ZNF726: variants seen among roughly 807,000 people sequenced by gnomAD.
ZNF726 encodes the protein zinc finger protein 92 pseudogene 3.
ZNF726 carries 15 observed loss-of-function variants against 11.6 expected under a neutral mutation model. The ratio of observed to expected loss-of-function variants is 1.29; its 90% CI spans 0.86 to 1.99. ZNF726 has a LOEUF of 1.99. ZNF726 is among the 30% of genes most tolerant of loss of function. The pLI is 0.00. For missense variants in ZNF726, 890 were observed against 725.6 expected, an observed-to-expected ratio of 1.23 and a Z score of -2.60; for synonymous variants, 295 against 243.6, an observed-to-expected ratio of 1.21 and a Z score of -1.96.
At chr19:23,935,442 C>T (rs760811226), downstream of ZNF726, 2 of 516,578 alleles carry the variant, frequency 3.9e-6, no homozygotes, top group South Asian at 2.8e-5. Context: ...TAAGATAACT[C>T]ATATTGGAGA....
chr19:23,915,944 C>T (rs1289488299), intron 1 of ZNF726, among the ~76,000 whole-genome samples: 1 of 152,156 alleles, frequency 6.6e-6, no homozygotes, highest in Non-Finnish European at 1.5e-5. Flanking sequence ...GCTTAATTGG[C>T]AGTTTATAGT....
At position 23,933,270 on chromosome 19, in the gene ZNF726, C is replaced by A. The variant is rs750172145; in HGVS notation, c.1154C>A (p.Thr385Asn). The A allele has an allele frequency of 5.6e-6, 9 of 1,613,038 alleles. No homozygotes were observed. Among genetic ancestry groups the A allele is most frequent in the Non-Finnish European group, 6.8e-6 (8 of 1,179,964 alleles). Reference sequence around the variant, plus strand: ...GCATTTATATGGCCCTCAACCCTAACTAAACATAAGAGGATTCACACTGGA... The same window carrying A: ...GCATTTATATGGCCCTCAACCCTAAATAAACATAAGAGGATTCACACTGGA... ...GKAFIWPSTL[T>N]KHKRIHTGEK... The change falls in exon 4 of 4, where the codon ACT (threonine) becomes AAT (asparagine). Residue 385 changes from threonine to asparagine, a missense_variant. Coordinates refer to ENST00000594466, the MANE Select transcript of ZNF726 (RefSeq NM_001244038.2).
At chr19:23,925,718 T>C (rs371932109) in intron 3 of ZNF726, among the ~76,000 whole-genome samples, 3,600 of 148,254 alleles carry the variant, frequency 0.024, 55 homozygotes, top group Non-Finnish European at 0.033. Flanking sequence ...CTTTTCTTTT[T>C]TTTTTTTTTT....
chr19:23,940,470 C>T (rs1280851580), intron 3 of ZNF726, among the ~76,000 whole-genome samples: 1 of 151,938 alleles, frequency 6.6e-6, no homozygotes. Flanking sequence ...CTTAGTCTTG[C>T]TTTGGCTATG....
In ZNF726 at chr19:23,932,850, C is replaced by T. The variant is rs776758393; in HGVS notation, c.734C>T (p.Thr245Ile). The change falls in exon 4 of 4, where the codon ACT becomes ATT. Residue 245 changes from threonine to isoleucine, a missense_variant. Coordinates refer to ENST00000594466, the MANE Select transcript of ZNF726 (RefSeq NM_001244038.2). ...GKAFNQSSNY[T>I]THKVTHTGEK... ...GCTTTTAATCAATCCTCAAATTATACTACACATAAGGTAACTCATACTGGA... is the reference window on the plus strand; with the variant it reads ...GCTTTTAATCAATCCTCAAATTATATTACACATAAGGTAACTCATACTGGA... The T allele has an allele frequency of 6.2e-7, 1 of 1,606,816 alleles. No individual in the cohort carries two copies. Among genetic ancestry groups the T allele is most frequent in the Non-Finnish European group, 8.5e-7 (1 of 1,176,822 alleles).
At position 23,933,629 on chromosome 19, in the gene ZNF726, G is replaced by T; in HGVS notation, c.1513G>T (p.Gly505Ter). 1.9e-6 allele frequency: 3 copies of T among 1,611,408 alleles called. No homozygotes were observed. The highest frequency in any genetic ancestry group is 2.5e-6 in the Non-Finnish European group (3 of 1,179,680). ...TLTAHKIIHT[G>*]EKPYKCEECG... ...TACTGCACATAAGATAATTCATACTGGAGAGAAACCCTACAAATGTGAAGA... is the reference window on the plus strand; with the variant it reads ...TACTGCACATAAGATAATTCATACTTGAGAGAAACCCTACAAATGTGAAGA... Residue 505 changes from glycine (G) to a stop codon, truncating the protein, a stop_gained, in exon 4 of 4, where the codon GGA (glycine) becomes TGA (stop). Coordinates refer to ENST00000594466, the MANE Select transcript of ZNF726 (RefSeq NM_001244038.2). LOFTEE classifies it low-confidence loss of function (END_TRUNC).
chr19:23,934,818 C>G (rs145098503), downstream of ZNF726, among the ~76,000 whole-genome samples: 12 of 152,212 alleles, frequency 7.9e-5, no homozygotes, highest in African/African-American at 2.7e-4. Context: ...CTCCAAGTAT[C>G]CAAAGCATCT....
intron 3 of ZNF726, among the ~76,000 whole-genome samples, chr19:23,924,307 G>A (rs1260643618): frequency 6.6e-6 from 1 of 151,788 alleles, no homozygotes; most frequent in Non-Finnish European, 1.5e-5. Flanking sequence ...GCCCACCTTG[G>A]CCTCTGAAAG....
At chr19:23,928,102 AC>A (rs1482811933) in intron 3 of ZNF726, 8 of 152,168 alleles carry the variant, frequency 5.3e-5, no homozygotes, top group Admixed American at 4.6e-4. Context: ...TATTAGAAGA[AC>A]CTGGCTCCTT....
At chr19:23,939,615 G>A (rs115173459) in intron 3 of ZNF726, among the ~76,000 whole-genome samples, 3 of 152,068 alleles carry the variant, frequency 2.0e-5, no homozygotes, top group Admixed American at 2.0e-4. Context: ...TTCCATAGCG[G>A]CTGTACTAGT....
Position 23,933,729 on chromosome 19 carries a change from A to G in ZNF726, c.1613A>G (p.Lys538Arg). 1 of 1,612,318 alleles carries G rather than the reference A, an allele frequency of 6.2e-7. No individual in the cohort carries two copies. The highest frequency in any genetic ancestry group is 8.5e-7 in the Non-Finnish European group (1 of 1,179,944). The change falls in exon 4 of 4, where the codon AAA becomes AGA. Residue 538 changes from lysine (K) to arginine (R), a missense_variant. Coordinates refer to ENST00000594466, the MANE Select transcript of ZNF726 (RefSeq NM_001244038.2). ...KRIHTGEKPY[K>R]CEECGKTFNQ... The stretch of plus-strand genomic sequence containing the variant: ...ATTCACACTGGAGAGAAACCCTACA[A>G]ATGTGAAGAATGTGGCAAAACTTTT...
intron 3 of ZNF726, among the ~76,000 whole-genome samples, chr19:23,942,260 G>A (rs779962304): frequency 6.6e-6 from 1 of 152,130 alleles, no homozygotes; most frequent in Non-Finnish European, 1.5e-5. Flanking sequence ...CCATGTATTT[G>A]CATGGTTTTG....
At chr19:23,919,044 T>C (rs1464045206) in intron 1 of ZNF726, 1 of 206,396 alleles carries the variant, frequency 4.8e-6, no homozygotes, top group Non-Finnish European at 9.7e-6. Flanking sequence ...TAAACAGCTG[T>C]CTTTTTCATC....
At chr19:23,943,020 T>C (rs1178834491) in intron 3 of ZNF726, among the ~76,000 whole-genome samples, 1 of 152,142 alleles carries the variant, frequency 6.6e-6, no homozygotes, top group Non-Finnish European at 1.5e-5. Context: ...GGTGTTTTTT[T>C]TTGGGGAGGG....
In ZNF726 at chr19:23,933,277, TAA is replaced by T; in HGVS notation, c.1162_1163del (p.Lys388GlufsTer12). 6.2e-7 allele frequency: 1 copy of T among 1,613,002 alleles called. No individual in the cohort carries two copies. Among genetic ancestry groups the T allele is most frequent in the African/African-American group, 1.3e-5 (1 of 74,592 alleles). Reference protein sequence around the residue: ...FIWPSTLTKHKRIHTGEKPYK... With the variant: ...FIWPSTLTKHXRIHTGEKPYK... ...TATGGCCCTCAACCCTAACTAAACATAAGAGGATTCACACTGGAGAGAAACCC... is the reference window on the plus strand; with the variant it reads ...TATGGCCCTCAACCCTAACTAAACATGAGGATTCACACTGGAGAGAAACCC... On this transcript the variant is annotated frameshift_variant, in exon 4 of 4. Transcript: ENST00000594466. LOFTEE classifies it low-confidence loss of function (END_TRUNC).
chr19:23,937,228 G>A (rs1311054483), downstream of ZNF726, among the ~76,000 whole-genome samples: 4 of 150,504 alleles, frequency 2.7e-5, no homozygotes, highest in East Asian at 2.0e-4. Flanking sequence ...GGCTGGCCGG[G>A]CAGGGGGCTG....
chr19:23,940,062 C>T (rs191918500), intron 3 of ZNF726, among the ~76,000 whole-genome samples: 2 of 151,828 alleles, frequency 1.3e-5, no homozygotes, highest in Non-Finnish European at 1.5e-5. Context: ...GTTTTTACTG[C>T]GTTTGCTTTT....
At chr19:23,935,731 T>C, downstream of ZNF726, 1 of 225,070 alleles carries the variant, frequency 4.4e-6, no homozygotes, top group South Asian at 6.6e-5. Context: ...GCCAAGCTTC[T>C]AACCAATGCT....
Position 23,931,727 on chromosome 19 carries a change from C to T in ZNF726, c.227-616C>T, listed in dbSNP as rs372112841. Among the ~76,000 whole-genome samples, 11 of 152,174 alleles carry T rather than the reference C, an allele frequency of 7.2e-5. No individual in the cohort carries two copies. The East Asian group carries it at 9.7e-4, about 13-fold the overall frequency. On this transcript the variant is annotated intron_variant, in intron 3 of 3. Coordinates refer to ENST00000594466, the MANE Select transcript of ZNF726 (RefSeq NM_001244038.2). ...CCTGTATTGTCTGAAATTTTGTGTT[C>T]AGTTTTTAGTTAAGAGAGTTTATTC...
Sources: allele counts gnomAD v4.1 joint callset (sites outside exome capture counted in the v4.1 genomes callset), GRCh38; gene constraint gnomAD v4.1.1; transcripts MANE v1.5; gene names NCBI Gene and HGNC (gene_info 2026-07-23, HGNC 2026-07-21).